The following ARSJ variants were observed in gnomAD, a reference collection of about 807,000 sequenced individuals.
The protein encoded by ARSJ is arylsulfatase J.
In ARSJ, 26 loss-of-function variants were observed where a neutral mutation model predicts 35.9. The observed-to-expected ratio is 0.72, with a 90% CI of 0.53 to 1.00. The LOEUF is 1.00. Among genes scored for constraint, ARSJ ranks in the 50% least tolerant of loss-of-function variants. The probability of loss-of-function intolerance (pLI) is 0.00; values close to 1 mark genes in which losing one functional copy is unlikely to be tolerated. For synonymous variants in ARSJ, 294 were observed against 267.6 expected (o/e 1.10, Z -0.96); for missense variants, 667 against 723.6 (o/e 0.92, Z 0.90).
chr4:113,960,426 G>A (rs1011268886), intron 1 of ARSJ, among the ~76,000 whole-genome samples: 4 of 152,004 alleles, frequency 2.6e-5, no homozygotes, highest in African/African-American at 9.7e-5. Context: ...TGTACCTCCA[G>A]TATCCTGGTT....
At chr4:113,968,912 G>A (rs1727061096) in intron 1 of ARSJ, among the ~76,000 whole-genome samples, 1 of 152,166 alleles carries the variant, frequency 6.6e-6, no homozygotes, top group African/African-American at 2.4e-5. Context: ...GAGCACAGAT[G>A]TCTCAATACC....
intron 1 of ARSJ, among the ~76,000 whole-genome samples, chr4:113,940,650 A>C (rs553786142): frequency 6.6e-6 from 1 of 152,038 alleles, no homozygotes; most frequent in East Asian, 1.9e-4. Context: ...GAACTTAAAA[A>C]AAAAAAAATG....
At chr4:113,922,877 G>T (rs1390211434) in intron 1 of ARSJ, among the ~76,000 whole-genome samples, 1 of 152,116 alleles carries the variant, frequency 6.6e-6, no homozygotes, top group African/African-American at 2.4e-5. Context: ...AACTTGGCTA[G>T]GATATGGTAA....
In ARSJ at chr4:113,978,708, A is replaced by T; in HGVS notation, c.127T>A (p.Tyr43Asn). Reference sequence around the variant, plus strand: ...TCTAAGGCCTGGCCCCAGGACAGGTAACCATAAGTGAGGAGGCAGAGGATC... The same window carrying T: ...TCTAAGGCCTGGCCCCAGGACAGGTTACCATAAGTGAGGAGGCAGAGGATC... Reference protein sequence around the residue: ...FWILCLLTYGYLSWGQALEEE... With the variant: ...FWILCLLTYGNLSWGQALEEE... The change falls in exon 1 of 2, where the codon TAC (tyrosine) becomes AAC (asparagine). Residue 43 changes from tyrosine to asparagine, a missense_variant. Transcript: ENST00000315366. 1.9e-6 allele frequency: 3 copies of T among 1,614,220 alleles called. No individual in the cohort carries two copies. Among genetic ancestry groups the T allele is most frequent in the Non-Finnish European group, 2.5e-6 (3 of 1,180,028 alleles).
rs941832120 is a variant in ARSJ at position 113,979,594 on chromosome 4, G to C, written c.-760C>G. 2 of 152,442 alleles carry C rather than the reference G, an allele frequency of 1.3e-5. No homozygotes were observed. The highest frequency in any genetic ancestry group is 2.9e-5 in the Non-Finnish European group (2 of 68,082). The allele number at this position is 152,442 out of a possible 1,614,324, so 9.4% of individuals were successfully genotyped here. On this transcript the variant is annotated 5_prime_UTR_variant, in exon 1 of 2. Transcript: ENST00000315366. Reference sequence around the variant, plus strand: ...CCCTAGCCCCGCGGCCGGTCCGCGCGGAGCCCGCTTGGTCTTTGCGTAGTT... The same window carrying C: ...CCCTAGCCCCGCGGCCGGTCCGCGCCGAGCCCGCTTGGTCTTTGCGTAGTT...
intron 1 of ARSJ, among the ~76,000 whole-genome samples, chr4:113,915,627 G>C (rs1723245862): frequency 6.6e-6 from 1 of 151,886 alleles, no homozygotes. Context: ...TTCAAAACCA[G>C]AAATAAAAAG....
At chr4:113,945,070 A>G (rs537968543) in intron 1 of ARSJ, among the ~76,000 whole-genome samples, 5 of 152,222 alleles carry the variant, frequency 3.3e-5, no homozygotes, top group South Asian at 2.1e-4. Context: ...TAACAAGAGT[A>G]AAAATAGTGC....
chr4:113,922,080 A>C (rs1376675938), intron 1 of ARSJ, among the ~76,000 whole-genome samples: 2 of 152,160 alleles, frequency 1.3e-5, no homozygotes, highest in African/African-American at 4.8e-5. Context: ...TTTGTGAGGA[A>C]GGTGAAGTAA....
intron 1 of ARSJ, among the ~76,000 whole-genome samples, chr4:113,964,340 T>C (rs1594506168): frequency 6.6e-6 from 1 of 152,100 alleles, no homozygotes; most frequent in Non-Finnish European, 1.5e-5. Context: ...AAAAGAACTA[T>C]ACTCCAAAAT....
chr4:113,975,627 C>T (rs1339763091), intron 1 of ARSJ, among the ~76,000 whole-genome samples: 1 of 152,132 alleles, frequency 6.6e-6, no homozygotes, highest in African/African-American at 2.4e-5. Flanking sequence ...CCCTACATCA[C>T]TACCCCTCTT....
intron 1 of ARSJ, among the ~76,000 whole-genome samples, chr4:113,968,574 T>A (rs1191385152): frequency 1.3e-5 from 2 of 152,162 alleles, no homozygotes; most frequent in Non-Finnish European, 2.9e-5. Flanking sequence ...AAGGAAGCCC[T>A]GCTTAGAAGG....
chr4:113,929,264 T>A (rs1292736020), intron 1 of ARSJ, among the ~76,000 whole-genome samples: 1 of 152,142 alleles, frequency 6.6e-6, no homozygotes, highest in Non-Finnish European at 1.5e-5. Context: ...CCACTGGGAC[T>A]TTAGTCTAGT....
chr4:113,947,776 G>A (rs1021531927), intron 1 of ARSJ, among the ~76,000 whole-genome samples: 1 of 151,964 alleles, frequency 6.6e-6, no homozygotes, highest in African/African-American at 2.4e-5. Flanking sequence ...TGTTCATTAA[G>A]CTTGAGAAAT....
At chr4:113,915,344 A>G (rs371963442) in intron 1 of ARSJ, among the ~76,000 whole-genome samples, 1 of 152,142 alleles carries the variant, frequency 6.6e-6, no homozygotes, top group African/African-American at 2.4e-5. Flanking sequence ...GTCCTGGCAG[A>G]TCAAGATATG....
At chr4:113,978,350 CT>C in intron 1 of ARSJ, 86 bp downstream of exon 1, 1 of 1,279,444 alleles carries the variant, frequency 7.8e-7, no homozygotes, top group Non-Finnish European at 1.1e-6. Context: ...CCCATACTTT[CT>C]GTTACTCCCT....
intron 1 of ARSJ, among the ~76,000 whole-genome samples, chr4:113,955,822 G>C (rs1487758793): frequency 6.6e-6 from 1 of 151,956 alleles, no homozygotes. Flanking sequence ...CTACCTTGTG[G>C]TGCCTCTCTG....
intron 1 of ARSJ, among the ~76,000 whole-genome samples, chr4:113,921,663 C>G (rs114451334): frequency 4.0e-4 from 61 of 152,202 alleles, no homozygotes; most frequent in African/African-American, 1.3e-3. Flanking sequence ...ATCTCACTAG[C>G]CTTGTGTTAA....
At chr4:113,961,285 A>G (rs1281425160) in intron 1 of ARSJ, among the ~76,000 whole-genome samples, 1 of 152,114 alleles carries the variant, frequency 6.6e-6, no homozygotes, top group Non-Finnish European at 1.5e-5. Context: ...TGAACTTGTA[A>G]AAGATTATGA....
At position 113,902,631 on chromosome 4, in the gene ARSJ, G is replaced by A. The variant is rs765270445; in HGVS notation, c.1443C>T (p.His481=). The part of the protein sequence containing the change: ...SFSNLGPNRW[H]NERITLSTGK... ...CAGTTGACAAGGTGATCCGTTCATT[G>A]TGCCACCGGTTCGGTCCCAGGTTGC... Residue 481 remains histidine, a synonymous_variant, in exon 2 of 2, where the codon CAC becomes CAT. Transcript: ENST00000315366. The A allele has an allele frequency of 1.2e-6, 2 of 1,614,156 alleles. No homozygotes were observed. Among genetic ancestry groups the A allele is most frequent in the South Asian group, 2.2e-5 (2 of 91,078 alleles).
Sources: gnomAD v4.1 joint callset for allele counts (sites outside exome capture counted in the v4.1 genomes callset) on GRCh38, gnomAD v4.1.1 for gene constraint, MANE v1.5 for transcripts, NCBI Gene and HGNC (gene_info 2026-07-23, HGNC 2026-07-21) for gene names.